Variants in ZNF268 observed in about 807,000 individuals in gnomAD.
The protein encoded by ZNF268 is zinc finger protein 3.
Under a neutral mutation model 29.3 loss-of-function variants are expected in ZNF268, and 20 were observed. That is an observed-to-expected ratio of 0.68 (90% CI 0.48 to 0.99). The LOEUF is 0.99. Among genes scored for constraint, ZNF268 ranks in the 50% least tolerant of loss-of-function variants. The pLI is 0.00. For missense variants in ZNF268, 1,240 were observed against 1,121.6 expected (o/e 1.11, Z -1.51); for synonymous variants, 429 against 376.9 (o/e 1.14, Z -1.60).
chr12:133,190,035 C>T (rs535173664), intron 3 of ZNF268, among the ~76,000 whole-genome samples: 1 of 152,090 alleles, frequency 6.6e-6, no homozygotes, highest in African/African-American at 2.4e-5. Context: ...GTCTCGTTCT[C>T]CTGACTTTGT....
chr12:133,196,005 C>T (rs1349325142), intron 5 of ZNF268, among the ~76,000 whole-genome samples: 57 of 147,964 alleles, frequency 3.9e-4, no homozygotes, highest in African/African-American at 1.1e-3. Flanking sequence ...CCACTATGCC[C>T]GGCCAACCCT....
chr12:133,202,130 G>A lies in ZNF268; in HGVS notation c.458-14G>A. ...TGTGATTTATAACATGTGACCAATT[G>A]TTCTCATTTCTAGACACAGTCTGGA... On this transcript the variant is annotated splice_polypyrimidine_tract_variant and intron_variant, in intron 5 of 5. Transcript: ENST00000536435. 3 of 1,547,062 alleles carry A rather than the reference G, an allele frequency of 1.9e-6. No individual in the cohort carries two copies. Among genetic ancestry groups the A allele is most frequent in the African/African-American group, 2.8e-5 (2 of 72,380 alleles).
chr12:133,184,519 G>T (rs1275816091), intron 2 of ZNF268: 2 of 206,450 alleles, frequency 9.7e-6, no homozygotes, highest in Non-Finnish European at 2.2e-5. Flanking sequence ...GGGCCAGGCA[G>T]CTCTCTGAAA....
At chr12:133,202,068 C>G (rs1182269687) in intron 5 of ZNF268, 76 bp from the exon 6 acceptor site, 1 of 1,238,492 alleles carries the variant, frequency 8.1e-7, no homozygotes, top group African/African-American at 1.5e-5. Flanking sequence ...ACTAATTGTT[C>G]TTATTTCATA....
intron 3 of ZNF268, among the ~76,000 whole-genome samples, chr12:133,190,644 C>G (rs766166605): frequency 5.8e-4 from 89 of 152,254 alleles, no homozygotes; most frequent in Middle Eastern, 3.4e-3. Context: ...CAGCAGTTAC[C>G]TTTTTAGTCC....
intron 4 of ZNF268, 29 bp downstream of exon 4, chr12:133,191,644 T>A (rs1351687305): frequency 6.2e-7 from 1 of 1,609,848 alleles, no homozygotes; most frequent in East Asian, 2.2e-5. Flanking sequence ...AGGAGGAGTG[T>A]GCTCGATCTC....
At position 133,214,754 on chromosome 12, in the gene ZNF268, G is replaced by A. The variant is rs914562861; in HGVS notation, c.*10224G>A. The A allele has an allele frequency of 6.6e-6, 1 of 152,158 alleles. No homozygotes were observed. Among genetic ancestry groups the A allele is most frequent in the Non-Finnish European group, 1.5e-5 (1 of 68,038 alleles). The allele number at this position is 152,158 out of a possible 1,614,324, so 9.4% of individuals were successfully genotyped here. ...GCACAATGTTGTGCATGGACTAAAT[G>A]TCACAGAAATGTACATTTTTAAAAG... On this transcript the variant is annotated 3_prime_UTR_variant, in exon 6 of 6. Coordinates refer to ENST00000536435, the MANE Select transcript of ZNF268 (RefSeq NM_003415.3).
intron 1 of ZNF268, 101 bp from the exon 2 acceptor site, chr12:133,181,845 C>G (rs1263743192): frequency 1.4e-6 from 1 of 735,070 alleles, no homozygotes; most frequent in African/African-American, 1.7e-5. Context: ...GAAGGAGCCT[C>G]AGCTCCGAGA....
intron 2 of ZNF268, among the ~76,000 whole-genome samples, chr12:133,183,235 G>T (rs775416420): frequency 6.6e-5 from 10 of 152,178 alleles, no homozygotes; most frequent in Non-Finnish European, 1.2e-4. Context: ...ATAGGGGAAG[G>T]AGTTTACTTA....
In ZNF268 at chr12:133,185,325, A is replaced by G. The variant is rs563987418; in HGVS notation, c.34-2547A>G. On this transcript the variant is annotated intron_variant, in intron 2 of 5. Transcript: ENST00000536435. ...CCTTGGGAAGAGCAGGTAGAAGAAC[A>G]TCCAGGATGGGAACAGCCAGGGCCA... Among the ~76,000 whole-genome samples the G allele has an allele frequency of 1.1e-3, 173 of 152,322 alleles. 1 individual carries two copies. Among genetic ancestry groups the G allele is most frequent in the African/African-American group, 3.9e-3 (163 of 41,572 alleles).
intron 5 of ZNF268, among the ~76,000 whole-genome samples, chr12:133,199,380 T>G (rs1225084385): frequency 1.3e-5 from 2 of 151,546 alleles, no homozygotes; most frequent in East Asian, 3.9e-4. Context: ...ATCCCAGGGA[T>G]GAAGCCCACT....
chr12:133,190,079 G>A lies in ZNF268; in HGVS notation c.235-1410G>A, dbSNP rs549468943. 1.7e-3 allele frequency among the ~76,000 whole-genome samples: 261 copies of A among 152,250 alleles called. 1 individual carries two copies. The highest frequency in any genetic ancestry group is 2.2e-3 in the Non-Finnish European group (151 of 68,016). ...CGCCTCGGCCTCCCAAAGTGCTAGG[G>A]TTACAGGCGTGAGCCATGGCGCCTG... On this transcript the variant is annotated intron_variant, in intron 3 of 5. Transcript: ENST00000536435.
rs192023188 is a variant in ZNF268, at chr12:133,192,708, C to T, written c.457+705C>T. Among the ~76,000 whole-genome samples, 28 of 151,182 alleles carry T rather than the reference C, an allele frequency of 1.9e-4. No individual in the cohort carries two copies. In the East Asian group the frequency reaches 5.3e-3, roughly 29 times the overall value. ...TTTTTGAGACGGAGTCTCATTCTGT[C>T]GCCCAGGCTGGAGTGCAGGGGTGCA... is the stretch of plus-strand genomic sequence containing the variant. On this transcript the variant is annotated intron_variant, in intron 5 of 5. Coordinates refer to ENST00000536435, the MANE Select transcript of ZNF268 (RefSeq NM_003415.3).
chr12:133,182,639 T>C (rs1295366574), intron 2 of ZNF268, among the ~76,000 whole-genome samples: 1 of 152,136 alleles, frequency 6.6e-6, no homozygotes, highest in Non-Finnish European at 1.5e-5. Context: ...GATTAAGAGA[T>C]TCTTAACCTT....
intron 5 of ZNF268, among the ~76,000 whole-genome samples, chr12:133,200,262 T>C (rs1164118520): frequency 6.6e-6 from 1 of 152,234 alleles, no homozygotes; most frequent in Non-Finnish European, 1.5e-5. Flanking sequence ...AACATCTTTA[T>C]TTCTGCCTTC....
rs1002024619 is a variant in ZNF268 at position 133,198,350 on chromosome 12, T to C, written c.458-3794T>C. On this transcript the variant is annotated intron_variant, in intron 5 of 5. Transcript: ENST00000536435. ...GTCAAAGATCAGATAGTTGTAGATA[T>C]GCGGCATTATTTCTGAGGGCTCTGT... Among the ~76,000 whole-genome samples the C allele has an allele frequency of 5.0e-4, 76 of 150,510 alleles. 2 individuals are homozygous for C. The South Asian group carries it at 0.014, about 27-fold the overall frequency.
Position 133,207,295 on chromosome 12 carries a change from GTGAACATAGGTTTAAAAAT to G in ZNF268, c.*2766_*2784del. ...AAAAAATGACTTGCAAACCATATTT[GTGAACATAGGTTTAAAAAT>G]CCATATTTGTGAACATAGGTTTAAA... On this transcript the variant is annotated 3_prime_UTR_variant, in exon 6 of 6. Transcript: ENST00000536435. The G allele has an allele frequency of 4.3e-5, 1 of 23,058 alleles. No homozygotes were observed. The highest frequency in any genetic ancestry group is 6.1e-4 in the Admixed American group (1 of 1,630). The allele number at this position is 23,058 out of a possible 1,614,324, so 1.4% of individuals were successfully genotyped here. A position where few individuals can be genotyped will look rare whatever the true frequency, so the allele number is the denominator to read the frequency against.
At position 133,204,452 on chromosome 12, in the gene ZNF268, C is replaced by T. The variant is rs1956848494; in HGVS notation, c.2766C>T (p.Cys922=). Residue 922 remains cysteine, a synonymous_variant, in exon 6 of 6, where the codon TGC becomes TGT. Coordinates refer to ENST00000536435, the MANE Select transcript of ZNF268 (RefSeq NM_003415.3). ...RTHTGEKPCK[C]TECGKAFCWK... ...ATACAGGAGAGAAGCCTTGTAAGTG[C>T]ACTGAATGTGGGAAAGCCTTTTGTT... 1 of 1,557,974 alleles carries T rather than the reference C, an allele frequency of 6.4e-7. No homozygotes were observed. The highest frequency in any genetic ancestry group is 1.2e-5 in the South Asian group (1 of 85,672).
rs1956788155 is a variant in ZNF268, at chr12:133,202,828, C to G, written c.1142C>G (p.Thr381Ser). Residue 381 changes from threonine (T) to serine (S), a missense_variant, in exon 6 of 6, where the codon ACT (threonine) becomes AGT (serine). Coordinates refer to ENST00000536435, the MANE Select transcript of ZNF268 (RefSeq NM_003415.3). ...GACCAGCTTGTTTCACACCAGAAAA[C>G]TCATTCAGGACAGAAACCATATGTG... ...RKDQLVSHQK[T>S]HSGQKPYVCN... is the part of the protein sequence containing the mutation. 5.6e-6 allele frequency: 9 copies of G among 1,598,834 alleles called. No homozygotes were observed. Among genetic ancestry groups the G allele is most frequent in the Non-Finnish European group, 7.7e-6 (9 of 1,175,058 alleles).
Sources: gnomAD v4.1 joint callset for allele counts (sites outside exome capture counted in the v4.1 genomes callset) on GRCh38, gnomAD v4.1.1 for gene constraint, MANE v1.5 for transcripts, NCBI Gene and HGNC (gene_info 2026-07-23, HGNC 2026-07-21) for gene names.